PCDHAC1: variants seen among roughly 807,000 people sequenced by gnomAD.
The protein encoded by PCDHAC1 is protocadherin alpha subfamily C, 1, also known as protocadherin alpha-C1.
A neutral mutation model predicts 60.0 loss-of-function variants in PCDHAC1; 42 were observed. The observed-to-expected ratio is 0.70, with a 90% CI of 0.55 to 0.90. The LOEUF (loss-of-function observed/expected upper bound fraction) is 0.90, where lower values mean the gene tolerates loss of function less well. PCDHAC1 is among the 40% of genes least tolerant of loss of function. PCDHAC1 has a pLI of 0.00. For synonymous variants in PCDHAC1, 468 were observed against 499.3 expected (o/e 0.94, Z 0.84); for missense variants, 1,160 against 1,222.3 (o/e 0.95, Z 0.76).
chr5:140,999,032 C>T (rs2097843779), intron 3 of PCDHAC1, among the ~76,000 whole-genome samples: 1 of 152,236 alleles, frequency 6.6e-6, no homozygotes, highest in South Asian at 2.1e-4. Flanking sequence ...TTTGATACTT[C>T]GTCCAGTGTG....
At chr5:141,004,833 C>A (rs1421886072) in intron 3 of PCDHAC1, among the ~76,000 whole-genome samples, 1 of 152,168 alleles carries the variant, frequency 6.6e-6, no homozygotes, top group Non-Finnish European at 1.5e-5. Flanking sequence ...TTAGATAGAT[C>A]AAAGTCATTA....
intron 3 of PCDHAC1, among the ~76,000 whole-genome samples, chr5:140,985,651 T>A (rs1413086230): frequency 6.6e-6 from 1 of 151,992 alleles, no homozygotes; most frequent in Non-Finnish European, 1.5e-5. Context: ...ACACTTGCAA[T>A]GGCTGAATAA....
rs999939821 is a variant in PCDHAC1, at chr5:140,972,909, G to A, written c.2434-6040G>A. ...GATCTCTTGACCTTGTGATCCACCC[G>A]CCTTGGCCTCCCAAAGTGCTGGGAT... is the stretch of plus-strand genomic sequence containing the variant. On this transcript the variant is annotated intron_variant, in intron 1 of 3. Transcript: ENST00000253807. 5.3e-4 allele frequency among the ~76,000 whole-genome samples: 80 copies of A among 152,056 alleles called. 1 individual carries two copies. Among genetic ancestry groups the A allele is most frequent in the African/African-American group, 1.8e-3 (75 of 41,484 alleles).
chr5:140,979,088 A>G, intron 2 of PCDHAC1, 81 bp downstream of exon 2: 1 of 1,559,594 alleles, frequency 6.4e-7, no homozygotes, highest in Non-Finnish European at 8.7e-7. Flanking sequence ...ATAGGCCAGA[A>G]GCAGCTGTCA....
intron 1 of PCDHAC1, among the ~76,000 whole-genome samples, chr5:140,933,127 A>G (rs1311388252): frequency 6.6e-6 from 1 of 151,992 alleles, no homozygotes; most frequent in East Asian, 1.9e-4. Flanking sequence ...AAGCTAAATA[A>G]TAAAGGTAGA....
At chr5:140,977,671 A>G (rs2096770792) in intron 1 of PCDHAC1, among the ~76,000 whole-genome samples, 1 of 152,178 alleles carries the variant, frequency 6.6e-6, no homozygotes, top group South Asian at 2.1e-4. Flanking sequence ...CTGCATGCCA[A>G]ATATCATGTA....
At position 141,000,391 on chromosome 5, in the gene PCDHAC1, CTCTCTATA is replaced by C. The variant is rs1374519322; in HGVS notation, c.2582-9234_2582-9227del. Reference sequence around the variant, plus strand: ...TCTCTCTCTCTCTCTCTCTCTCTCTCTCTCTATATATATATATATATATATATATATTT... The same window carrying C: ...TCTCTCTCTCTCTCTCTCTCTCTCTCTATATATATATATATATATATATTT... On this transcript the variant is annotated intron_variant, in intron 3 of 3. Transcript: ENST00000253807. Among the ~76,000 whole-genome samples the C allele has an allele frequency of 7.6e-3, 431 of 56,394 alleles. 1 individual carries two copies. The highest frequency in any genetic ancestry group is 0.013 in the African/African-American group (152 of 11,988). The allele number at this position is 56,394 out of a possible 152,430, so 37.0% of individuals were successfully genotyped here. A position where few individuals can be genotyped will look rare whatever the true frequency, so the allele number is the denominator to read the frequency against.
intron 3 of PCDHAC1, among the ~76,000 whole-genome samples, chr5:140,990,262 C>T (rs2097383201): frequency 6.6e-6 from 1 of 152,152 alleles, no homozygotes; most frequent in South Asian, 2.1e-4. Context: ...GGATACCAAA[C>T]AATGTACCCC....
chr5:140,984,086 A>C (rs187283969), intron 3 of PCDHAC1, among the ~76,000 whole-genome samples: 1 of 152,356 alleles, frequency 6.6e-6, no homozygotes, highest in Admixed American at 6.5e-5. Flanking sequence ...GGAGTGAAGA[A>C]ATGATGGAGG....
chr5:140,997,668 TTGTG>T lies in PCDHAC1; in HGVS notation c.2582-11933_2582-11930del, dbSNP rs35184029. On this transcript the variant is annotated intron_variant, in intron 3 of 3. Coordinates refer to ENST00000253807, the MANE Select transcript of PCDHAC1 (RefSeq NM_018898.5). ...AATGCAATATGTATTATTATACAGC[TTGTG>T]TGTGTGTGTGTGTGTGTGTGTGTGT... Among the ~76,000 whole-genome samples, 716 of 148,202 alleles carry T rather than the reference TTGTG, an allele frequency of 4.8e-3. 2 individuals carry two copies. The highest frequency in any genetic ancestry group is 0.01 in the Middle Eastern group (3 of 294).
chr5:140,966,859 G>A, intron 1 of PCDHAC1: 1 of 1,577,136 alleles, frequency 6.3e-7, no homozygotes. Flanking sequence ...TCCTGCTGCT[G>A]TTGCTGCTGC....
rs550922282 is a variant in PCDHAC1, at chr5:140,927,864, T to C, written c.972T>C (p.Ala324=). The change falls in exon 1 of 4, where the codon GCT becomes GCC. Residue 324 remains alanine (A), a synonymous_variant. Transcript: ENST00000253807. ...DEGVFGLAST[A]KLLVEVTDVN... The stretch of plus-strand genomic sequence containing the variant: ...GTGTCTTTGGTTTAGCTAGCACCGC[T>C]AAACTGCTGGTGGAGGTGACTGACG... The C allele has an allele frequency of 6.8e-6, 11 of 1,614,200 alleles. No homozygotes were observed. In the South Asian group the frequency reaches 1.2e-4, roughly 18 times the overall value.
intron 1 of PCDHAC1, among the ~76,000 whole-genome samples, chr5:140,934,422 A>G (rs2089824417): frequency 1.3e-5 from 2 of 152,176 alleles, no homozygotes; most frequent in South Asian, 2.1e-4. Flanking sequence ...TGCATTATCA[A>G]TGCAAGTGTA....
At chr5:140,944,028 A>T (rs1341498532) in intron 1 of PCDHAC1, among the ~76,000 whole-genome samples, 1 of 152,222 alleles carries the variant, frequency 6.6e-6, no homozygotes, top group African/African-American at 2.4e-5. Context: ...TATCTTCAAA[A>T]TATGGAAAAC....
At chr5:140,999,400 A>G (rs1331954466) in intron 3 of PCDHAC1, among the ~76,000 whole-genome samples, 2 of 152,150 alleles carry the variant, frequency 1.3e-5, no homozygotes, top group Admixed American at 6.5e-5. Flanking sequence ...TGTTTTGCAT[A>G]TGAAAGAATG....
At chr5:140,938,190 C>T (rs2091964057) in intron 1 of PCDHAC1, among the ~76,000 whole-genome samples, 1 of 152,212 alleles carries the variant, frequency 6.6e-6, no homozygotes. Flanking sequence ...AAGCAATCCT[C>T]CCACGCCAGC....
At chr5:140,960,737 G>T (rs2095566221) in intron 1 of PCDHAC1, among the ~76,000 whole-genome samples, 1 of 145,230 alleles carries the variant, frequency 6.9e-6, no homozygotes, top group South Asian at 2.2e-4. Context: ...CATGATTTTA[G>T]TCCATGGCTA....
rs77488964 is a variant in PCDHAC1, at chr5:140,929,006, C to T, written c.2114C>T (p.Thr705Ile). The T allele has an allele frequency of 3.2e-3, 5,179 of 1,614,048 alleles. 25 individuals carry two copies. Among genetic ancestry groups the T allele is most frequent in the African/African-American group, 0.019 (1,447 of 75,028 alleles). ...GGGTGCTTACTTTTCTTCGTGTGTA[C>T]CAAGTTGCACCAGAGCCCAGGCTGT... is the stretch of plus-strand genomic sequence containing the variant. Reference protein sequence around the residue: ...FLGCLLFFVCTKLHQSPGCCA... With the variant: ...FLGCLLFFVCIKLHQSPGCCA... The change falls in exon 1 of 4, where the codon ACC becomes ATC. Residue 705 changes from threonine (T) to isoleucine (I), a missense_variant. Coordinates refer to ENST00000253807, the MANE Select transcript of PCDHAC1 (RefSeq NM_018898.5).
chr5:140,972,660 ATTTTTTTTT>A (rs11350929), intron 1 of PCDHAC1, among the ~76,000 whole-genome samples: 1 of 117,268 alleles, frequency 8.5e-6, no homozygotes, highest in Non-Finnish European at 1.7e-5. Flanking sequence ...AAGAAACCAA[ATTTTTTTTT>A]TTTTTTTTTT....
Sources: allele counts gnomAD v4.1 joint callset (sites outside exome capture counted in the v4.1 genomes callset), GRCh38; gene constraint gnomAD v4.1.1; transcripts MANE v1.5; gene names NCBI Gene and HGNC (gene_info 2026-07-23, HGNC 2026-07-21).